Variants in LAMC1 observed in about 807,000 individuals in gnomAD.
The protein encoded by LAMC1 is laminin subunit gamma 1.
A neutral mutation model predicts 173.6 loss-of-function variants in LAMC1; 38 were observed. That is an observed-to-expected ratio of 0.22 (90% CI 0.17 to 0.29). LAMC1 has a LOEUF of 0.29. Ranked by LOEUF, LAMC1 falls within the 10% of genes least tolerant of loss-of-function variation. LAMC1 has a pLI of 1.00. For missense variants in LAMC1, 1,824 were observed against 2,051.8 expected (o/e 0.89, Z 2.14); for synonymous variants, 746 against 749.1 (o/e 1.00, Z 0.07).
intron 1 of LAMC1, among the ~76,000 whole-genome samples, chr1:183,048,359 A>G (rs1437974714): frequency 6.6e-6 from 1 of 152,184 alleles, no homozygotes; most frequent in African/African-American, 2.4e-5. Flanking sequence ...TGTCCTCTTT[A>G]TCTTAAAACA....
chr1:183,122,100 C>T lies in LAMC1; in HGVS notation c.2250C>T (p.His750=), dbSNP rs368343012. ...CNCRDNTAGP[H]CEKCSDGYYG... is the part of the protein sequence containing the mutation. ...GCAGAGACAATACGGCTGGCCCGCA[C>T]TGTGAGAAGTGCAGTGATGGGTACT... Residue 750 remains histidine, a synonymous_variant, in exon 13 of 28, where the codon CAC becomes CAT. Transcript: ENST00000258341. 2.7e-5 allele frequency: 43 copies of T among 1,614,042 alleles called. No homozygotes were observed. In the Middle Eastern group the frequency reaches 6.6e-4, roughly 25 times the overall value.
At chr1:183,110,753 G>A in intron 4 of LAMC1, 99 bp downstream of exon 4, 1 of 1,225,438 alleles carries the variant, frequency 8.2e-7, no homozygotes, top group East Asian at 2.4e-5. Context: ...TGAAAGGAAA[G>A]CTCTGAAAGG....
At chr1:183,031,960 G>A (rs1653860680) in intron 1 of LAMC1, among the ~76,000 whole-genome samples, 1 of 151,990 alleles carries the variant, frequency 6.6e-6, no homozygotes. Flanking sequence ...ATGTAAAAGG[G>A]CCCTGCTGGA....
chr1:183,055,259 G>C (rs1383116223), intron 1 of LAMC1, among the ~76,000 whole-genome samples: 2 of 151,648 alleles, frequency 1.3e-5, no homozygotes, highest in Non-Finnish European at 2.9e-5. Context: ...GGAAGTGCTG[G>C]GATTACAGGT....
intron 1 of LAMC1, among the ~76,000 whole-genome samples, chr1:183,077,682 A>T (rs146210865): frequency 1.8e-4 from 28 of 151,538 alleles, no homozygotes; most frequent in African/African-American, 6.8e-4. Flanking sequence ...GAGTTACTTC[A>T]CTTAGAATAA....
At position 183,128,505 on chromosome 1, in the gene LAMC1, T is replaced by C. The variant is rs552945060; in HGVS notation, c.3124-89T>C. ...AAAAAAGAACTACATATTCATGGAGTGCCCATGATTCCTGCAGGAAGTGTG... is the reference window on the plus strand; with the variant it reads ...AAAAAAGAACTACATATTCATGGAGCGCCCATGATTCCTGCAGGAAGTGTG... On this transcript the variant is annotated intron_variant, in intron 17 of 27. Coordinates refer to ENST00000258341, the MANE Select transcript of LAMC1 (RefSeq NM_002293.4). 162 of 965,732 alleles carry C rather than the reference T, an allele frequency of 1.7e-4. No homozygotes were observed. In the African/African-American group the frequency reaches 2.4e-3, roughly 14 times the overall value. 59.8% of individuals were successfully genotyped at this position (965,732 alleles called of 1,614,324 possible). A position where few individuals can be genotyped will look rare whatever the true frequency, so the allele number is the denominator to read the frequency against.
At chr1:183,040,426 C>T (rs550930143) in intron 1 of LAMC1, among the ~76,000 whole-genome samples, 1 of 152,340 alleles carries the variant, frequency 6.6e-6, no homozygotes, top group East Asian at 1.9e-4. Context: ...AGGCTTCAAA[C>T]ATCTGCTGGG....
chr1:183,103,433 A>C lies in LAMC1; in HGVS notation c.524A>C (p.Tyr175Ser). ...RTREDGPWIP[Y>S]QYYSGSCENT... ...CGGGAAGACGGGCCCTGGATTCCTT[A>C]CCAGTACTACAGTGGTTCCTGTGAG... Residue 175 changes from tyrosine to serine, a missense_variant, in exon 2 of 28, where the codon TAC (tyrosine) becomes TCC (serine). Tyr to Ser is a moderately radical substitution (Grantham distance 144, BLOSUM62 -2). Transcript: ENST00000258341. 2 of 1,614,168 alleles carry C rather than the reference A, an allele frequency of 1.2e-6. No individual in the cohort carries two copies. Among genetic ancestry groups the C allele is most frequent in the Non-Finnish European group, 1.7e-6 (2 of 1,180,034 alleles).
Position 183,145,301 on chromosome 1 carries a change from T to G in LAMC1, c.*2511T>G, listed in dbSNP as rs2102122947. The G allele has an allele frequency of 6.5e-6, 1 of 152,780 alleles. No individual in the cohort carries two copies. Among genetic ancestry groups the G allele is most frequent in the African/African-American group, 2.4e-5 (1 of 41,578 alleles). The allele number at this position is 152,780 out of a possible 1,614,324, so 9.5% of individuals were successfully genotyped here. A position where few individuals can be genotyped will look rare whatever the true frequency, so the allele number is the denominator to read the frequency against. ...AATTACACTCCCGCAACACAGCCAT[T>G]ATTTTATTGTCTAGCTCCAGTTATC... On this transcript the variant is annotated 3_prime_UTR_variant, in exon 28 of 28. Transcript: ENST00000258341.
chr1:183,126,224 A>G lies in LAMC1; in HGVS notation c.2906A>G (p.Glu969Gly). 6.2e-7 allele frequency: 1 copy of G among 1,614,170 alleles called. No homozygotes were observed. The highest frequency in any genetic ancestry group is 8.5e-7 in the Non-Finnish European group (1 of 1,180,024). Reference protein sequence around the residue: ...GITGQHCERCEVNHFGFGPEG... With the variant: ...GITGQHCERCGVNHFGFGPEG... ...ACTGGTCAGCACTGTGAGCGCTGTG[A>G]GGTCAACCACTTTGGGTTTGGACCT... Residue 969 changes from glutamate (E) to glycine (G), a missense_variant, in exon 16 of 28, where the codon GAG becomes GGG. By Grantham distance (98) the Glu-to-Gly change is moderately conservative. Coordinates refer to ENST00000258341, the MANE Select transcript of LAMC1 (RefSeq NM_002293.4).
chr1:183,064,338 C>A (rs1040829772), intron 1 of LAMC1, among the ~76,000 whole-genome samples: 1 of 152,088 alleles, frequency 6.6e-6, no homozygotes, highest in African/African-American at 2.4e-5. Context: ...ACGGGATGGC[C>A]TATTGGTCCT....
At chr1:183,113,336 A>G (rs1036848652) in intron 4 of LAMC1, among the ~76,000 whole-genome samples, 9 of 152,160 alleles carry the variant, frequency 5.9e-5, no homozygotes, top group African/African-American at 1.7e-4. Context: ...TGTGTTCATG[A>G]TTTTGGTTAG....
chr1:183,121,297 G>A (rs972509303), intron 11 of LAMC1, among the ~76,000 whole-genome samples: 1 of 151,812 alleles, frequency 6.6e-6, no homozygotes, highest in Admixed American at 6.6e-5. Context: ...ATGGTGGCAT[G>A]CGCCTGTAAT....
intron 17 of LAMC1, among the ~76,000 whole-genome samples, chr1:183,127,776 G>C (rs930854988): frequency 6.6e-6 from 1 of 152,160 alleles, no homozygotes; most frequent in Non-Finnish European, 1.5e-5. Flanking sequence ...AGAGTGGCTG[G>C]AGCCTGCTGA....
At chr1:183,111,306 C>T (rs1401355714) in intron 4 of LAMC1, among the ~76,000 whole-genome samples, 2 of 152,018 alleles carry the variant, frequency 1.3e-5, no homozygotes, top group African/African-American at 4.8e-5. Context: ...AGGCTGGTCT[C>T]GAACTCCTGA....
intron 4 of LAMC1, among the ~76,000 whole-genome samples, chr1:183,113,127 A>C (rs1191134724): frequency 6.6e-6 from 1 of 152,242 alleles, no homozygotes; most frequent in Non-Finnish European, 1.5e-5. Flanking sequence ...TCTGAGCAAC[A>C]GAGCAAGACC....
intron 2 of LAMC1, among the ~76,000 whole-genome samples, chr1:183,105,679 A>G (rs1370058037): frequency 6.6e-6 from 1 of 152,090 alleles, no homozygotes; most frequent in African/African-American, 2.4e-5. Flanking sequence ...GTGGTCAGTC[A>G]GTTTCATTAT....
Position 183,135,467 on chromosome 1 carries a change from T to G in LAMC1, c.4114+311T>G, listed in dbSNP as rs183008108. Among the ~76,000 whole-genome samples the G allele has an allele frequency of 6.9e-4, 105 of 151,330 alleles. 1 individual carries two copies. The highest frequency in any genetic ancestry group is 2.6e-3 in the Admixed American group (40 of 15,190). On this transcript the variant is annotated intron_variant, in intron 24 of 27. Transcript: ENST00000258341. The stretch of plus-strand genomic sequence containing the variant: ...AGTGGCATCTGATTCTTTGTTGTTG[T>G]TTTTTTTTCTTCACCCCAGATAGAA...
At chr1:183,031,813 G>T (rs1653856470) in intron 1 of LAMC1, among the ~76,000 whole-genome samples, 1 of 152,008 alleles carries the variant, frequency 6.6e-6, no homozygotes, top group African/African-American at 2.4e-5. Flanking sequence ...AGATGATTTT[G>T]TGCAGATCCT....
Sources: gnomAD v4.1 joint callset for allele counts (sites outside exome capture counted in the v4.1 genomes callset) on GRCh38, gnomAD v4.1.1 for gene constraint, MANE v1.5 for transcripts, NCBI Gene and HGNC (gene_info 2026-07-23, HGNC 2026-07-21) for gene names.